ZSWIM4: variants seen among roughly 807,000 people sequenced by gnomAD.
ZSWIM4 encodes zinc finger SWIM domain-containing protein 4.
ZSWIM4 carries 62 observed loss-of-function variants against 102.5 expected under a neutral mutation model. The ratio of observed to expected loss-of-function variants is 0.60; its 90% CI spans 0.49 to 0.75. The LOEUF is 0.75. ZSWIM4 is among the 30% of genes least tolerant of loss of function. The probability of loss-of-function intolerance (pLI) is 0.00; values close to 1 mark genes in which losing one functional copy is unlikely to be tolerated. For synonymous variants in ZSWIM4, 652 were observed against 674.5 expected (o/e 0.97, Z 0.52); for missense variants, 1,280 against 1,529.6 (o/e 0.84, Z 2.72).
At chr19:13,829,821 T>C (rs1975708490) in intron 13 of ZSWIM4, among the ~76,000 whole-genome samples, 1 of 149,606 alleles carries the variant, frequency 6.7e-6, no homozygotes, top group Non-Finnish European at 1.5e-5. Context: ...CGAGACTCCA[T>C]CTCAAAAAAA....
intron 3 of ZSWIM4, among the ~76,000 whole-genome samples, chr19:13,807,149 G>A (rs1388742479): frequency 6.6e-6 from 1 of 152,042 alleles, no homozygotes; most frequent in Non-Finnish European, 1.5e-5. Context: ...TGGGTATTTT[G>A]AGTGGTTAGT....
chr19:13,817,381 G>A (rs778381970), intron 8 of ZSWIM4, 28 bp downstream of exon 8: 3 of 1,601,368 alleles, frequency 1.9e-6, no homozygotes, highest in South Asian at 2.2e-5. Flanking sequence ...TCTTGGAGGA[G>A]GTGGGACAAC....
intron 9 of ZSWIM4, among the ~76,000 whole-genome samples, chr19:13,818,306 C>T (rs1050999806): frequency 1.3e-5 from 2 of 152,170 alleles, no homozygotes; most frequent in African/African-American, 4.8e-5. Flanking sequence ...GCCCCTGTCC[C>T]GGCCTGCTCC....
chr19:13,824,591 G>A (rs1975554746), intron 11 of ZSWIM4, among the ~76,000 whole-genome samples: 1 of 152,050 alleles, frequency 6.6e-6, no homozygotes, highest in East Asian at 1.9e-4. Flanking sequence ...AATTAGCTGG[G>A]CGTGGTGACC....
intron 2 of ZSWIM4, among the ~76,000 whole-genome samples, chr19:13,804,015 C>T (rs891304951): frequency 6.7e-5 from 10 of 150,132 alleles, no homozygotes; most frequent in African/African-American, 2.4e-4. Context: ...GCGCCCGCCA[C>T]CATGCCCGGC....
chr19:13,807,639 A>C (rs1179999081), intron 3 of ZSWIM4, among the ~76,000 whole-genome samples: 1 of 142,500 alleles, frequency 7.0e-6, no homozygotes, highest in Non-Finnish European at 1.5e-5. Flanking sequence ...CAGGGGAGAT[A>C]GATGGATTGG....
intron 11 of ZSWIM4, among the ~76,000 whole-genome samples, chr19:13,824,070 G>A (rs1975540149): frequency 6.6e-6 from 1 of 151,072 alleles, no homozygotes; most frequent in South Asian, 2.1e-4. Flanking sequence ...CTGGGAGAGA[G>A]AGAGAGGGAG....
chr19:13,813,139 G>A lies in ZSWIM4; in HGVS notation c.1155G>A (p.Leu385=). ...EGNYSFDGPS[L]QPTMAPAPGS... ...ACTACTCCTTCGACGGCCCCAGCCT[G>A]CAGCCCACCATGGCCCCCGCCCCAG... is the stretch of plus-strand genomic sequence containing the variant. The change falls in exon 6 of 14, where the codon CTG becomes CTA. Residue 385 remains leucine, a synonymous_variant. Transcript: ENST00000590508. 6.2e-7 allele frequency: 1 copy of A among 1,613,082 alleles called. No homozygotes were observed. Among genetic ancestry groups the A allele is most frequent in the Non-Finnish European group, 8.5e-7 (1 of 1,179,348 alleles).
intron 2 of ZSWIM4, among the ~76,000 whole-genome samples, chr19:13,800,300 T>G (rs1376896786): frequency 1.6e-5 from 1 of 62,954 alleles, no homozygotes; most frequent in Non-Finnish European, 3.1e-5. Context: ...GAGTCTCGCT[T>G]TTTCGCCCAG....
rs1340864405 is a variant in ZSWIM4 at position 13,809,107 on chromosome 19, C to T, written c.899C>T (p.Ala300Val). 1.9e-6 allele frequency: 3 copies of T among 1,613,728 alleles called. No homozygotes were observed. Among genetic ancestry groups the T allele is most frequent in the Admixed American group, 1.7e-5 (1 of 59,996 alleles). The change falls in exon 5 of 14, where the codon GCG becomes GTG. Residue 300 changes from alanine (A) to valine (V), a missense_variant. Coordinates refer to ENST00000590508, the MANE Select transcript of ZSWIM4 (RefSeq NM_001367834.3). The surrounding 1 kb of genome is among the most constrained non-coding windows in gnomAD (Gnocchi z 4.2). ...CTGCGAATGCGGGACTCCAACGGGG[C>T]GCGCATGCTGATTCTCATGACCGAG... The part of the protein sequence containing the change: ...EMLRMRDSNG[A>V]RMLILMTEQF...
Position 13,799,932 on chromosome 19 carries a change from G to T in ZSWIM4, c.355+11G>T, listed in dbSNP as rs1289637655. The stretch of plus-strand genomic sequence containing the variant: ...GCGTGTTGCAAGTGGGTGAGTCTTT[G>T]TCCCCCACTCCTGCTGGGGAGGCCA... On this transcript the variant is annotated intron_variant, in intron 2 of 13. Transcript: ENST00000590508. The T allele has an allele frequency of 6.2e-7, 1 of 1,605,952 alleles. No homozygotes were observed. The highest frequency in any genetic ancestry group is 8.5e-7 in the Non-Finnish European group (1 of 1,178,502).
chr19:13,804,742 C>T lies in ZSWIM4; in HGVS notation c.356-50C>T, dbSNP rs73511510. On this transcript the variant is annotated intron_variant, in intron 2 of 13. Coordinates refer to ENST00000590508, the MANE Select transcript of ZSWIM4 (RefSeq NM_001367834.3). ...CGGGTCTTGCTGTGTACCACAAACA[C>T]CGCCTGTCTCTGGGATGACACGGAT... is the stretch of plus-strand genomic sequence containing the variant. The T allele has an allele frequency of 7.5e-3, 11,069 of 1,483,612 alleles. 706 individuals are homozygous for T. In the African/African-American group the frequency reaches 0.14, roughly 19 times the overall value. The allele number at this position is 1,483,612 out of a possible 1,614,324, so 91.9% of individuals were successfully genotyped here.
chr19:13,806,510 TAAAC>T (rs1397191644), intron 3 of ZSWIM4, among the ~76,000 whole-genome samples: 1 of 151,780 alleles, frequency 6.6e-6, no homozygotes. Context: ...CTACAAAAAA[TAAAC>T]AAAAGTAGTT....
rs1974709876 is a variant in ZSWIM4 at position 13,799,854 on chromosome 19, C to T, written c.288C>T (p.Ala96=). ...GYPPPEGEHD[A]RVPFTRGLHL... is the part of the protein sequence containing the mutation. The stretch of plus-strand genomic sequence containing the variant: ...CGCCCCCAGAGGGCGAGCACGATGC[C>T]CGGGTGCCCTTTACCCGCGGGCTGC... Residue 96 remains alanine (A), a synonymous_variant, in exon 2 of 14, where the codon GCC becomes GCT. Transcript: ENST00000590508. The T allele has an allele frequency of 1.2e-6, 2 of 1,613,566 alleles. No individual in the cohort carries two copies. The highest frequency in any genetic ancestry group is 2.2e-5 in the South Asian group (2 of 91,086).
intron 10 of ZSWIM4, among the ~76,000 whole-genome samples, chr19:13,822,216 G>A (rs1975487482): frequency 6.7e-6 from 1 of 149,770 alleles, no homozygotes; most frequent in African/African-American, 2.5e-5. Context: ...AGTTTGGAGT[G>A]TTTTTCCAGA....
chr19:13,802,066 C>G (rs1424523647), intron 2 of ZSWIM4, among the ~76,000 whole-genome samples: 1 of 148,860 alleles, frequency 6.7e-6, no homozygotes. Flanking sequence ...ACCTCCACTT[C>G]CTGGGTTCAC....
In ZSWIM4 at chr19:13,825,760, C is replaced by A. The variant is rs1305298686; in HGVS notation, c.2379+47C>A. 2 of 1,571,482 alleles carry A rather than the reference C, an allele frequency of 1.3e-6. No homozygotes were observed. The highest frequency in any genetic ancestry group is 2.0e-4 in the Middle Eastern group (1 of 5,122). ...CGGGAGGGCGATGGTGGCTCGGGGCCAGGACTGACTGTGAGCTGCGCCTCC... is the reference window on the plus strand; with the variant it reads ...CGGGAGGGCGATGGTGGCTCGGGGCAAGGACTGACTGTGAGCTGCGCCTCC... On this transcript the variant is annotated intron_variant, in intron 12 of 13. Transcript: ENST00000590508. This position sits in a 1 kb window ranked among gnomAD's most constrained non-coding sequence, Gnocchi z 4.6.
At chr19:13,818,547 T>C (rs1245337509) in intron 9 of ZSWIM4, among the ~76,000 whole-genome samples, 1 of 152,024 alleles carries the variant, frequency 6.6e-6, no homozygotes, top group African/African-American at 2.4e-5. Context: ...GCCTGGAGTC[T>C]CTTCTTTTCC....
intron 2 of ZSWIM4, among the ~76,000 whole-genome samples, chr19:13,802,277 A>ATT (rs1568327350): frequency 9.7e-6 from 1 of 103,606 alleles, no homozygotes; most frequent in Non-Finnish European, 1.7e-5. Context: ...CGCCTGGCCA[A>ATT]ATTTTTTTTT....
Sources: allele counts gnomAD v4.1 joint callset (sites outside exome capture counted in the v4.1 genomes callset), GRCh38; gene constraint gnomAD v4.1.1; non-coding constraint Gnocchi (gnomAD v3.1); transcripts MANE v1.5; gene names NCBI Gene and HGNC (gene_info 2026-07-23, HGNC 2026-07-21).